ZPLD1: variants seen among roughly 807,000 people sequenced by gnomAD.
ZPLD1 encodes the protein zona pellucida-like domain-containing protein 1.
A neutral mutation model predicts 47.2 loss-of-function variants in ZPLD1; 34 were observed. The observed-to-expected ratio is 0.72, with a 90% confidence interval of 0.55 to 0.96. ZPLD1 has a LOEUF of 0.96. ZPLD1 is among the 40% of genes least tolerant of loss of function. ZPLD1 has a pLI of 0.00. For synonymous variants in ZPLD1, 176 were observed against 186.2 expected, an observed-to-expected ratio of 0.95 and a Z score of 0.45; for missense variants, 512 against 505.8, an observed-to-expected ratio of 1.01 and a Z score of -0.12.
At chr3:102,423,082 C>CA (rs1211036688) in intron 8 of ZPLD1, among the ~76,000 whole-genome samples, 3 of 151,968 alleles carry the variant, frequency 2.0e-5, no homozygotes, top group African/African-American at 7.2e-5. Context: ...ACTTTTGGTC[C>CA]AAAACTTTTC....
intron 3 of ZPLD1, among the ~76,000 whole-genome samples, chr3:102,445,893 T>A (rs1364065721): frequency 6.6e-6 from 1 of 152,156 alleles, no homozygotes; most frequent in African/African-American, 2.4e-5. Flanking sequence ...ATAAACAAAT[T>A]GCAATAATCT....
At chr3:102,430,914 G>A (rs919454985), upstream of ZPLD1, among the ~76,000 whole-genome samples, 1 of 152,114 alleles carries the variant, frequency 6.6e-6, no homozygotes, top group Non-Finnish European at 1.5e-5. Context: ...AATTTGTTAT[G>A]ATTACACTTC....
intron 6 of ZPLD1, among the ~76,000 whole-genome samples, chr3:102,461,432 T>C (rs1158507781): frequency 6.6e-6 from 1 of 151,986 alleles, no homozygotes; most frequent in Non-Finnish European, 1.5e-5. Flanking sequence ...TTGAGAATGA[T>C]ACAAATAAGC....
At position 102,456,383 on chromosome 3, in the gene ZPLD1, G is replaced by A. The variant is rs753269226; in HGVS notation, c.509+9G>A. The A allele has an allele frequency of 1.9e-6, 3 of 1,607,630 alleles. No individual in the cohort carries two copies. Among genetic ancestry groups the A allele is most frequent in the African/African-American group, 2.7e-5 (2 of 74,604 alleles). On this transcript the variant is annotated intron_variant, in intron 5 of 11. Coordinates refer to ENST00000466937, the MANE Select transcript of ZPLD1 (RefSeq NM_001329788.2). ...AATACCCAGCTTGCTTCGTAAGTTTGCATTTTATTCCTGCTTTCTCATATT... is the reference window on the plus strand; with the variant it reads ...AATACCCAGCTTGCTTCGTAAGTTTACATTTTATTCCTGCTTTCTCATATT...
At chr3:102,450,122 A>G (rs1432106749) in intron 3 of ZPLD1, among the ~76,000 whole-genome samples, 2 of 152,148 alleles carry the variant, frequency 1.3e-5, no homozygotes, top group African/African-American at 4.8e-5. Flanking sequence ...AAAATTTGAA[A>G]CCTGAAGAAT....
At position 102,479,798 on chromosome 3, in the gene ZPLD1, C is replaced by T. The variant is rs1178153834; in HGVS notation, c.*2180C>T. 1 of 151,968 alleles carries T rather than the reference C, an allele frequency of 6.6e-6. No individual in the cohort carries two copies. The highest frequency in any genetic ancestry group is 1.5e-5 in the Non-Finnish European group (1 of 67,990). The allele number at this position is 151,968 out of a possible 1,614,324, so 9.4% of individuals were successfully genotyped here. A position where few individuals can be genotyped will look rare whatever the true frequency, so the allele number is the denominator to read the frequency against. ...GCACTTCAGGGGTAAGGTCTGATGA[C>T]ATGTAAAAGATGATCGTTTAATAAA... On this transcript the variant is annotated 3_prime_UTR_variant, in exon 12 of 12. Transcript: ENST00000466937.
chr3:102,385,198 C>T (rs189256450), exon 6 of ZPLD1: 2 of 152,244 alleles, frequency 1.3e-5, no homozygotes, highest in African/African-American at 2.4e-5. Flanking sequence ...AAAGTCTCCA[C>T]ATTTGTCCAG....
chr3:102,448,508 TC>T (rs1378123172), intron 3 of ZPLD1, among the ~76,000 whole-genome samples: 26 of 152,314 alleles, frequency 1.7e-4, no homozygotes, highest in Middle Eastern at 3.4e-3. Flanking sequence ...TGAATGGATG[TC>T]TTTAGTACCT....
At chr3:102,387,923 C>G (rs749384653) in intron 6 of ZPLD1, among the ~76,000 whole-genome samples, 4 of 131,276 alleles carry the variant, frequency 3.0e-5, no homozygotes, top group Non-Finnish European at 6.1e-5. Flanking sequence ...TGCAGTGGTG[C>G]GATCTCCGCT....
chr3:102,435,983 G>T (rs142769776), intron 1 of ZPLD1, among the ~76,000 whole-genome samples: 62 of 152,318 alleles, frequency 4.1e-4, no homozygotes, highest in Middle Eastern at 3.4e-3. Context: ...GAATGGCTGA[G>T]AAGGGATTTA....
At chr3:102,405,597 T>G (rs542179537) in intron 7 of ZPLD1, among the ~76,000 whole-genome samples, 3 of 152,034 alleles carry the variant, frequency 2.0e-5, no homozygotes, top group South Asian at 2.1e-4. Flanking sequence ...GTGTGTTAAA[T>G]GAGACCATCA....
chr3:102,421,692 G>A (rs150474239), intron 8 of ZPLD1, among the ~76,000 whole-genome samples: 69 of 151,636 alleles, frequency 4.6e-4, no homozygotes, highest in Middle Eastern at 3.4e-3. Context: ...GCTTTTTTTA[G>A]TTTATAAAAA....
At chr3:102,422,179 C>T (rs1351647102) in intron 8 of ZPLD1, among the ~76,000 whole-genome samples, 1 of 151,960 alleles carries the variant, frequency 6.6e-6, no homozygotes, top group African/African-American at 2.4e-5. Flanking sequence ...AGTGGATCTG[C>T]ACTCTAGTAG....
intron 8 of ZPLD1, 77 bp from the exon 9 acceptor site, chr3:102,468,887 G>T (rs182277650): frequency 8.5e-6 from 12 of 1,407,486 alleles, no homozygotes; most frequent in Non-Finnish European, 1.2e-5. Context: ...GTCTTAATAC[G>T]GTAGAAATTA....
At chr3:102,388,909 G>A (rs1706465304) in intron 6 of ZPLD1, among the ~76,000 whole-genome samples, 1 of 152,154 alleles carries the variant, frequency 6.6e-6, no homozygotes, top group African/African-American at 2.4e-5. Context: ...AAAGGCAAGA[G>A]TTTGACTTTT....
intron 1 of ZPLD1, among the ~76,000 whole-genome samples, chr3:102,436,422 T>G (rs989819985): frequency 2.6e-5 from 4 of 152,226 alleles, no homozygotes; most frequent in Admixed American, 2.6e-4. Context: ...CAAAATTGTT[T>G]ACTCATTATA....
At chr3:102,437,691 AACTG>A (rs1330144471) in intron 2 of ZPLD1, among the ~76,000 whole-genome samples, 1 of 152,214 alleles carries the variant, frequency 6.6e-6, no homozygotes, top group African/African-American at 2.4e-5. Context: ...TTAAACGCAA[AACTG>A]ACTGGTGTTT....
intron 7 of ZPLD1, among the ~76,000 whole-genome samples, chr3:102,463,806 G>A (rs1404059388): frequency 6.6e-6 from 1 of 151,510 alleles, no homozygotes; most frequent in Non-Finnish European, 1.5e-5. Context: ...TTGGGAGGCC[G>A]AGGAGGGTGG....
upstream of ZPLD1, among the ~76,000 whole-genome samples, chr3:102,432,260 C>T (rs528676323): frequency 6.6e-6 from 1 of 152,298 alleles, no homozygotes; most frequent in East Asian, 1.9e-4. Flanking sequence ...GGCCATGCCC[C>T]TACAGGAATG....
Sources: gnomAD v4.1 joint callset for allele counts (sites outside exome capture counted in the v4.1 genomes callset) on GRCh38, gnomAD v4.1.1 for gene constraint, MANE v1.5 for transcripts, NCBI Gene and HGNC (gene_info 2026-07-23, HGNC 2026-07-21) for gene names.